The following TMEM178B variants were observed in gnomAD, a reference collection of about 807,000 sequenced individuals.
TMEM178B encodes the protein transmembrane protein 178B.
A neutral mutation model predicts 31.0 loss-of-function variants in TMEM178B; 5 were observed. That is an observed-to-expected ratio of 0.16 (90% CI 0.08 to 0.34). The LOEUF is 0.34. Ranked by LOEUF, TMEM178B falls within the 10% of genes least tolerant of loss-of-function variation. TMEM178B has a pLI of 1.00. For missense variants in TMEM178B, 275 were observed against 400.3 expected (o/e 0.69, Z 2.67); for synonymous variants, 164 against 164.0 (o/e 1.00, Z 0.00).
intron 2 of TMEM178B, among the ~76,000 whole-genome samples, chr7:141,217,012 G>C (rs1348060029): frequency 6.6e-6 from 1 of 152,084 alleles, no homozygotes; most frequent in Non-Finnish European, 1.5e-5. Flanking sequence ...GAGCTGGGCT[G>C]GTGCTGCTCC....
At chr7:141,328,434 G>A (rs1799236876) in intron 2 of TMEM178B, among the ~76,000 whole-genome samples, 1 of 152,140 alleles carries the variant, frequency 6.6e-6, no homozygotes, top group East Asian at 1.9e-4. Context: ...GGAGTTCCAA[G>A]CCTAAAAAAG....
intron 2 of TMEM178B, among the ~76,000 whole-genome samples, chr7:141,234,183 C>T (rs1243613551): frequency 6.6e-6 from 1 of 152,176 alleles, no homozygotes; most frequent in South Asian, 2.1e-4. Context: ...TGCCTCTGTT[C>T]TCTGTTGTGT....
intron 2 of TMEM178B, among the ~76,000 whole-genome samples, chr7:141,270,778 T>C (rs1798169200): frequency 6.6e-6 from 1 of 152,244 alleles, no homozygotes; most frequent in Admixed American, 6.5e-5. Flanking sequence ...ACGATGTCGT[T>C]ATCTCTCTAG....
intron 2 of TMEM178B, among the ~76,000 whole-genome samples, chr7:141,262,474 AATATATATATATATAT>A (rs10570183): frequency 3.8e-5 from 5 of 131,868 alleles, no homozygotes; most frequent in Admixed American, 1.5e-4. Context: ...AAATACATAT[AATATATATATATATAT>A]ATATATATAT....
chr7:141,497,926 A>G, the TMEM178B span, among the ~76,000 whole-genome samples: 1 of 152,230 alleles, frequency 6.6e-6, no homozygotes, highest in African/African-American at 2.4e-5. Context: ...TGGAGCCTGA[A>G]GCTGCAAAGC....
At chr7:141,397,876 G>A (rs1334294729) in intron 2 of TMEM178B, among the ~76,000 whole-genome samples, 1 of 152,208 alleles carries the variant, frequency 6.6e-6, no homozygotes, top group African/African-American at 2.4e-5. Context: ...GCAGCCCAGA[G>A]CCTGGCTGCA....
chr7:141,197,661 C>T lies in TMEM178B; in HGVS notation c.383-14930C>T, dbSNP rs116003229. 9.7e-3 allele frequency among the ~76,000 whole-genome samples: 1,474 copies of T among 152,172 alleles called. 27 individuals carry two copies. The highest frequency in any genetic ancestry group is 0.033 in the African/African-American group (1,365 of 41,490). On this transcript the variant is annotated intron_variant, in intron 1 of 3. Transcript: ENST00000565468. ...TTGTTTTTTGTTTTTGAGATGGAGT[C>T]TCACTGTCTTGCCTAGGCTGGAGTG...
chr7:141,115,816 C>T lies in TMEM178B; in HGVS notation c.382+41124C>T, dbSNP rs186253750. On this transcript the variant is annotated intron_variant, in intron 1 of 3. Transcript: ENST00000565468. ...ATTTAAAGGAAAACATTCTTCTGAA[C>T]CCCCAGAGTTGACTTAGATTATTTT... Among the ~76,000 whole-genome samples, 155 of 152,202 alleles carry T rather than the reference C, an allele frequency of 1.0e-3. 1 individual carries two copies. The highest frequency in any genetic ancestry group is 1.6e-3 in the Non-Finnish European group (107 of 68,016).
chr7:141,288,117 C>T (rs964993229), intron 2 of TMEM178B, among the ~76,000 whole-genome samples: 19 of 152,268 alleles, frequency 1.2e-4, no homozygotes, highest in African/African-American at 4.6e-4. Context: ...CTCCTCCCCA[C>T]ATTTGTCCCT....
chr7:141,211,293 G>A lies in TMEM178B; in HGVS notation c.383-1298G>A, dbSNP rs530560338. Among the ~76,000 whole-genome samples, 12 of 152,318 alleles carry A rather than the reference G, an allele frequency of 7.9e-5. No homozygotes were observed. In the South Asian group the frequency reaches 2.3e-3, roughly 29 times the overall value. On this transcript the variant is annotated intron_variant, in intron 1 of 3. Coordinates refer to ENST00000565468, the MANE Select transcript of TMEM178B (RefSeq NM_001195278.2). Reference sequence around the variant, plus strand: ...CTCTAGAACGTGCCTCTTGGACAGCGTCAGTCCCATGGGAGGAGCATCTGC... The same window carrying A: ...CTCTAGAACGTGCCTCTTGGACAGCATCAGTCCCATGGGAGGAGCATCTGC...
chr7:141,103,937 C>T (rs1038210676), intron 1 of TMEM178B, among the ~76,000 whole-genome samples: 4 of 152,156 alleles, frequency 2.6e-5, no homozygotes, highest in African/African-American at 9.7e-5. Flanking sequence ...AATTCCTCTG[C>T]ATAATCACTG....
chr7:141,437,675 C>T lies in TMEM178B; in HGVS notation c.564C>T (p.Ile188=), dbSNP rs112679326. The change falls in exon 3 of 4, where the codon ATC becomes ATT. Residue 188 remains isoleucine, a synonymous_variant. Transcript: ENST00000565468. Reference sequence around the variant, plus strand: ...CCATCATCCTCTTTGGCTGGATCATCGGCGTGCTGGGCTGCTGCTGGGACC... The same window carrying T: ...CCATCATCCTCTTTGGCTGGATCATTGGCGTGCTGGGCTGCTGCTGGGACC... ...AVAIILFGWI[I]GVLGCCWDRG... The T allele has an allele frequency of 2.1e-3, 3,199 of 1,536,184 alleles. 26 individuals carry two copies. The highest frequency in any genetic ancestry group is 0.016 in the African/African-American group (1,141 of 73,162).
chr7:141,425,621 G>A (rs560525359), intron 2 of TMEM178B, among the ~76,000 whole-genome samples: 6 of 152,156 alleles, frequency 3.9e-5, no homozygotes, highest in Admixed American at 6.5e-5. Context: ...TTGGGTTTGC[G>A]ACTCTGCCTC....
At chr7:141,106,085 C>CAA (rs3032870) in intron 1 of TMEM178B, among the ~76,000 whole-genome samples, 35,682 of 122,466 alleles carry the variant, frequency 0.29, 6,568 homozygotes, top group Non-Finnish European at 0.41. Flanking sequence ...GACCCTGTCT[C>CAA]AAAAAAAAAA....
At chr7:141,409,573 T>A (rs776108992) in intron 2 of TMEM178B, among the ~76,000 whole-genome samples, 4 of 152,192 alleles carry the variant, frequency 2.6e-5, no homozygotes, top group Non-Finnish European at 5.9e-5. Context: ...TAATTTATTT[T>A]AGTTGGCATC....
the TMEM178B span, among the ~76,000 whole-genome samples, chr7:141,501,393 C>A: frequency 1.3e-5 from 2 of 151,774 alleles, no homozygotes; most frequent in Admixed American, 1.3e-4. Context: ...TCCACATTCT[C>A]TCCACATTTT....
Position 141,226,823 on chromosome 7 carries a change from A to C in TMEM178B, c.496+14119A>C, listed in dbSNP as rs370662349. On this transcript the variant is annotated intron_variant, in intron 2 of 3. Coordinates refer to ENST00000565468, the MANE Select transcript of TMEM178B (RefSeq NM_001195278.2). ...CAGTGAACTGAAGTTGCACCACTGC[A>C]CTCCAGCCTAAGCAACAGAGTGAGA... Among the ~76,000 whole-genome samples, 29 of 147,518 alleles carry C rather than the reference A, an allele frequency of 2.0e-4. No homozygotes were observed. The South Asian group carries it at 6.1e-3, about 31-fold the overall frequency.
At chr7:141,252,048 G>A (rs952078117) in intron 2 of TMEM178B, among the ~76,000 whole-genome samples, 8 of 152,188 alleles carry the variant, frequency 5.3e-5, no homozygotes, top group Non-Finnish European at 8.8e-5. Flanking sequence ...TGTCCCTACC[G>A]AAGATGCTAT....
chr7:141,433,248 A>G (rs533494263), intron 2 of TMEM178B, among the ~76,000 whole-genome samples: 1 of 152,352 alleles, frequency 6.6e-6, no homozygotes, highest in Middle Eastern at 3.4e-3. Flanking sequence ...GTAGGAATCT[A>G]GATCCATCTT....
Sources: gnomAD v4.1 joint callset for allele counts (sites outside exome capture counted in the v4.1 genomes callset) on GRCh38, gnomAD v4.1.1 for gene constraint, MANE v1.5 for transcripts, NCBI Gene and HGNC (gene_info 2026-07-23, HGNC 2026-07-21) for gene names.